Variants in ENPP3 observed in about 807,000 individuals in gnomAD.
The protein encoded by ENPP3 is ectonucleotide pyrophosphatase/phosphodiesterase 3.
In ENPP3, 104 loss-of-function variants were observed where a neutral mutation model predicts 117.8. The ratio of observed to expected loss-of-function variants is 0.88; its 90% CI spans 0.75 to 1.04. ENPP3 has a LOEUF of 1.04. ENPP3 is among the 50% of genes least tolerant of loss of function. The pLI is 0.00. For missense variants in ENPP3, 1,026 were observed against 1,051.9 expected, an observed-to-expected ratio of 0.98 and a Z score of 0.34; for synonymous variants, 380 against 349.9, an observed-to-expected ratio of 1.09 and a Z score of -0.96.
rs530935444 is a variant in ENPP3, at chr6:131,649,949, C to A, written c.155-78C>A. ...CTGTCATAGTCTGTGCTGTGTACTT[C>A]CTGTGTGCTTCCACTGCTTAGGTAT... On this transcript the variant is annotated intron_variant, in intron 2 of 24. Transcript: ENST00000357639. 1.4e-5 allele frequency: 21 copies of A among 1,490,504 alleles called. No homozygotes were observed. The South Asian group carries it at 2.4e-4, about 17-fold the overall frequency. 92.3% of individuals were successfully genotyped at this position (1,490,504 alleles called of 1,614,324 possible). A position where few individuals can be genotyped will look rare whatever the true frequency, so the allele number is the denominator to read the frequency against.
chr6:131,651,014 G>T (rs1415671979), intron 3 of ENPP3, among the ~76,000 whole-genome samples: 1 of 152,086 alleles, frequency 6.6e-6, no homozygotes, highest in Non-Finnish European at 1.5e-5. Flanking sequence ...CCACCTCCTG[G>T]GTTCAAGCGA....
chr6:131,674,065 T>C, intron 7 of ENPP3, 97 bp from the exon 8 acceptor site: 1 of 727,028 alleles, frequency 1.4e-6, no homozygotes, highest in Non-Finnish European at 2.3e-6. Context: ...ATATAGTACC[T>C]TTCTTAGGTA....
In ENPP3 at chr6:131,683,149, T is replaced by C. The variant is rs1562449413; in HGVS notation, c.1107T>C (p.Leu369=). ...RNLHNCVNII[L]LADHGMDQTY... ...TGCACAACTGTGTCAATATCATCCT[T>C]CTGGCTGACCATGGTATGCTTTTAA... is the stretch of plus-strand genomic sequence containing the variant. The change falls in exon 12 of 25, where the codon CTT becomes CTC. Residue 369 remains leucine (L), a synonymous_variant. Coordinates refer to ENST00000357639, the MANE Select transcript of ENPP3 (RefSeq NM_005021.5). 3.8e-6 allele frequency: 6 copies of C among 1,584,540 alleles called. No homozygotes were observed. Among genetic ancestry groups the C allele is most frequent in the Non-Finnish European group, 4.3e-6 (5 of 1,154,364 alleles).
intron 21 of ENPP3, among the ~76,000 whole-genome samples, chr6:131,734,530 A>G (rs1367617147): frequency 6.6e-6 from 1 of 152,192 alleles, no homozygotes; most frequent in African/African-American, 2.4e-5. Context: ...AGGATAAATT[A>G]ACTGATAAAT....
chr6:131,661,740 G>C (rs1003658541), intron 6 of ENPP3, among the ~76,000 whole-genome samples: 12 of 152,068 alleles, frequency 7.9e-5, no homozygotes, highest in East Asian at 3.9e-4. Context: ...TTTTTAATGA[G>C]ACTATTGTAT....
chr6:131,692,921 C>A (rs1779315843), intron 14 of ENPP3, among the ~76,000 whole-genome samples: 1 of 140,440 alleles, frequency 7.1e-6, no homozygotes, highest in African/African-American at 2.6e-5. Context: ...ATATATTATA[C>A]ACTATATATG....
chr6:131,716,957 C>T (rs12192944), intron 15 of ENPP3, among the ~76,000 whole-genome samples: 16,594 of 151,342 alleles, frequency 0.11, 1,288 homozygotes, highest in East Asian at 0.32. Flanking sequence ...GGCGACAGAG[C>T]GAGACTCAGT....
intron 10 of ENPP3, 53 bp from the exon 11 acceptor site, chr6:131,677,815 C>A: frequency 8.5e-7 from 1 of 1,179,812 alleles, no homozygotes; most frequent in Non-Finnish European, 1.3e-6. Flanking sequence ...CCAATCCAGC[C>A]TGTATGTTTA....
At chr6:131,688,478 G>A (rs1779204780) in intron 14 of ENPP3, among the ~76,000 whole-genome samples, 2 of 152,192 alleles carry the variant, frequency 1.3e-5, no homozygotes, top group Non-Finnish European at 2.9e-5. Context: ...CAAACAGTTA[G>A]CCAAATTGTC....
chr6:131,725,858 A>T (rs1254749726), intron 19 of ENPP3, among the ~76,000 whole-genome samples, 188 bp from the exon 20 acceptor site: 7 of 152,036 alleles, frequency 4.6e-5, no homozygotes, highest in Non-Finnish European at 1.0e-4. Context: ...TATTATTATT[A>T]TTTTTAATAA....
intron 20 of ENPP3, among the ~76,000 whole-genome samples, chr6:131,730,906 C>T (rs1780266003): frequency 7.0e-6 from 1 of 141,980 alleles, no homozygotes; most frequent in African/African-American, 2.8e-5. Context: ...GATAGTGAGA[C>T]TCCATCTCAA....
intron 2 of ENPP3, among the ~76,000 whole-genome samples, chr6:131,648,189 A>G (rs1416951651): frequency 6.6e-6 from 1 of 151,344 alleles, no homozygotes; most frequent in Non-Finnish European, 1.5e-5. Context: ...CTTCTGCTTG[A>G]TGTTTTTTGG....
chr6:131,746,748 C>T lies in ENPP3; in HGVS notation c.2458-38C>T, dbSNP rs201783773. 1.2e-5 allele frequency: 18 copies of T among 1,565,182 alleles called. No homozygotes were observed. The East Asian group carries it at 3.0e-4, about 26-fold the overall frequency. On this transcript the variant is annotated intron_variant, in intron 24 of 24. Coordinates refer to ENST00000357639, the MANE Select transcript of ENPP3 (RefSeq NM_005021.5). ...ATATTTCTGTTCATGAAAAATACTGCCTTGTGAAAAAAAAAGTGTTGTGCT... is the reference window on the plus strand; with the variant it reads ...ATATTTCTGTTCATGAAAAATACTGTCTTGTGAAAAAAAAAGTGTTGTGCT...
At chr6:131,683,208 A>G (rs1779066287) in intron 12 of ENPP3, 46 bp downstream of exon 12, 1 of 1,028,326 alleles carries the variant, frequency 9.7e-7, no homozygotes, top group Non-Finnish European at 1.5e-6. Context: ...ACTATAATTT[A>G]TCACTTCAGA....
rs571127589 is a variant in ENPP3, at chr6:131,668,176, G to GT, written c.563-3063dup. Among the ~76,000 whole-genome samples, 752 of 111,084 alleles carry GT rather than the reference G, an allele frequency of 6.8e-3. 4 individuals carry two copies. The highest frequency in any genetic ancestry group is 0.01 in the Non-Finnish European group (524 of 51,990). The allele number at this position is 111,084 out of a possible 152,430, so 72.9% of individuals were successfully genotyped here. On this transcript the variant is annotated intron_variant, in intron 6 of 24. Coordinates refer to ENST00000357639, the MANE Select transcript of ENPP3 (RefSeq NM_005021.5). ...AGAATTTCATAAGGACTACATTGTA[G>GT]TTTTTTTTTGAGTCGGAGTCTCGCT...
At chr6:131,709,498 A>G in intron 15 of ENPP3, 1 of 1,613,232 alleles carries the variant, frequency 6.2e-7, no homozygotes, top group South Asian at 1.1e-5. Flanking sequence ...TGAAACATCG[A>G]GTGCATTAGG....
chr6:131,693,751 T>C, intron 15 of ENPP3, 127 bp downstream of exon 15: 1 of 898,792 alleles, frequency 1.1e-6, no homozygotes, highest in Non-Finnish European at 1.7e-6. Flanking sequence ...TTCTGGCCTT[T>C]TTGTATGCTA....
At chr6:131,645,475 TGGTTG>T (rs1405853689) in intron 2 of ENPP3, among the ~76,000 whole-genome samples, 1 of 152,244 alleles carries the variant, frequency 6.6e-6, no homozygotes, top group Non-Finnish European at 1.5e-5. Flanking sequence ...GTCTGGTGGA[TGGTTG>T]ATATTTCCAT....
intron 2 of ENPP3, among the ~76,000 whole-genome samples, chr6:131,646,809 C>G (rs978123167): frequency 6.8e-6 from 1 of 146,148 alleles, no homozygotes; most frequent in Admixed American, 6.9e-5. Flanking sequence ...TTGTTGCTTC[C>G]TTCATTCTGC....
Sources: allele counts gnomAD v4.1 joint callset (sites outside exome capture counted in the v4.1 genomes callset), GRCh38; gene constraint gnomAD v4.1.1; transcripts MANE v1.5; gene names NCBI Gene and HGNC (gene_info 2026-07-23, HGNC 2026-07-21).